EPHA5: variants seen among roughly 807,000 people sequenced by gnomAD.
EPHA5 encodes the protein EPH receptor A5, also known as ephrin type-A receptor 5.
In EPHA5, 60 loss-of-function variants were observed where a neutral mutation model predicts 105.0. The ratio of observed to expected loss-of-function variants is 0.57; its 90% CI spans 0.46 to 0.71. The LOEUF is 0.71. EPHA5 is among the 30% of genes least tolerant of loss of function. The pLI is 0.00. For synonymous variants in EPHA5, 513 were observed against 449.1 expected, an observed-to-expected ratio of 1.14 and a Z score of -1.80; for missense variants, 1,218 against 1,274.7, an observed-to-expected ratio of 0.96 and a Z score of 0.68.
chr4:65,320,316 A>C lies in EPHA5; in HGVS notation c.*3798T>G. On this transcript the variant is annotated 3_prime_UTR_variant, in exon 17 of 17. Coordinates refer to ENST00000613740, the MANE Select transcript of EPHA5 (RefSeq NM_001281766.3). ...CAAATAAAGCTAGCATTTTGATTCC[A>C]TTTATTCTTCATCATCATCATCATC... 1 of 228,750 alleles carries C rather than the reference A, an allele frequency of 4.4e-6. No individual in the cohort carries two copies. Among genetic ancestry groups the C allele is most frequent in the Non-Finnish European group, 8.6e-6 (1 of 115,698 alleles). The allele number at this position is 228,750 out of a possible 1,614,324, so 14.2% of individuals were successfully genotyped here. A position where few individuals can be genotyped will look rare whatever the true frequency, so the allele number is the denominator to read the frequency against.
chr4:65,648,903 A>G (rs986987645), intron 1 of EPHA5, among the ~76,000 whole-genome samples: 1 of 152,214 alleles, frequency 6.6e-6, no homozygotes, highest in Admixed American at 6.5e-5. Context: ...AACAAAGAAC[A>G]GTTTACAAAA....
At chr4:65,458,100 A>G (rs559962159) in intron 5 of EPHA5, among the ~76,000 whole-genome samples, 87 of 136,702 alleles carry the variant, frequency 6.4e-4, no homozygotes, top group Non-Finnish European at 1.2e-3. Flanking sequence ...AAAAAAAAAG[A>G]GTACCTTTTT....
At chr4:65,409,374 A>AAATAAATAAATAAAT (rs1722702426) in intron 7 of EPHA5, among the ~76,000 whole-genome samples, 1 of 80,634 alleles carries the variant, frequency 1.2e-5, no homozygotes, top group African/African-American at 3.9e-5. Flanking sequence ...AATAAATAAA[A>AAATAAATAAATAAAT]GAGCTTTGTA....
At chr4:65,618,966 C>A (rs1312807764) in intron 2 of EPHA5, among the ~76,000 whole-genome samples, 1 of 152,014 alleles carries the variant, frequency 6.6e-6, no homozygotes, top group Non-Finnish European at 1.5e-5. Context: ...ACCAGCCTGG[C>A]CAAAATGGTG....
At chr4:65,364,871 C>T in intron 11 of EPHA5, 146 bp downstream of exon 11, 3 of 570,452 alleles carry the variant, frequency 5.3e-6, no homozygotes, top group Middle Eastern at 4.4e-4. Context: ...TTAGCTTTAA[C>T]AAAAATCTAC....
chr4:65,571,945 T>G (rs1269745883), intron 3 of EPHA5, among the ~76,000 whole-genome samples: 3 of 152,122 alleles, frequency 2.0e-5, no homozygotes, highest in African/African-American at 7.2e-5. Context: ...ATGTTAGAAA[T>G]GTAACTCTCC....
chr4:65,394,554 T>C (rs1202488934), intron 8 of EPHA5, among the ~76,000 whole-genome samples: 1 of 152,144 alleles, frequency 6.6e-6, no homozygotes. Context: ...TCAGGTCATC[T>C]TTTTAGTATG....
intron 2 of EPHA5, among the ~76,000 whole-genome samples, chr4:65,632,096 T>C (rs1262804464): frequency 2.0e-5 from 3 of 152,084 alleles, no homozygotes; most frequent in Admixed American, 6.6e-5. Flanking sequence ...GGTAGTATTA[T>C]ACATAATGTA....
At chr4:65,625,954 T>G (rs1174309930) in intron 2 of EPHA5, among the ~76,000 whole-genome samples, 2 of 151,894 alleles carry the variant, frequency 1.3e-5, no homozygotes, top group South Asian at 4.1e-4. Flanking sequence ...AAAAAAATTA[T>G]CCGCGTTTGG....
At chr4:65,456,087 G>A (rs1578155111) in intron 5 of EPHA5, among the ~76,000 whole-genome samples, 1 of 152,288 alleles carries the variant, frequency 6.6e-6, no homozygotes, top group Middle Eastern at 3.4e-3. Context: ...GTTGTGGGGA[G>A]AGAGAAACTT....
chr4:65,433,473 A>G (rs1725181394), intron 5 of EPHA5, among the ~76,000 whole-genome samples: 1 of 152,336 alleles, frequency 6.6e-6, no homozygotes, highest in South Asian at 2.1e-4. Context: ...TGGCCATAGA[A>G]TATGAGACTC....
chr4:65,470,506 T>C (rs150081167), intron 5 of EPHA5, among the ~76,000 whole-genome samples: 1 of 152,256 alleles, frequency 6.6e-6, no homozygotes, highest in East Asian at 1.9e-4. Context: ...TTTTCCTAAA[T>C]ATATAATAGT....
At chr4:65,477,496 T>C (rs951091154) in intron 5 of EPHA5, among the ~76,000 whole-genome samples, 2 of 152,042 alleles carry the variant, frequency 1.3e-5, no homozygotes, top group African/African-American at 4.8e-5. Context: ...CAGTGAAACC[T>C]CTGCCTCCCG....
intron 2 of EPHA5, among the ~76,000 whole-genome samples, 200 bp from the exon 3 acceptor site, chr4:65,602,504 G>A (rs1178894293): frequency 6.6e-6 from 1 of 152,032 alleles, no homozygotes; most frequent in Non-Finnish European, 1.5e-5. Flanking sequence ...TAAATTAAAA[G>A]TAAATTAAGA....
At chr4:65,584,599 A>G (rs1215461732) in intron 3 of EPHA5, among the ~76,000 whole-genome samples, 1 of 151,968 alleles carries the variant, frequency 6.6e-6, no homozygotes, top group Non-Finnish European at 1.5e-5. Context: ...TGGAATACCT[A>G]TTAGAAAAGT....
At chr4:65,562,084 G>A (rs543523724) in intron 3 of EPHA5, among the ~76,000 whole-genome samples, 6 of 152,098 alleles carry the variant, frequency 3.9e-5, no homozygotes, top group Non-Finnish European at 8.8e-5. Context: ...TGATTATTTT[G>A]GATTTTGAGT....
chr4:65,415,858 A>G (rs1723335651), intron 6 of EPHA5, among the ~76,000 whole-genome samples: 1 of 152,018 alleles, frequency 6.6e-6, no homozygotes, highest in Non-Finnish European at 1.5e-5. Flanking sequence ...TAAAAAGCAA[A>G]TAATTTCTTA....
intron 3 of EPHA5, among the ~76,000 whole-genome samples, chr4:65,526,819 C>T (rs1035936503): frequency 7.2e-5 from 11 of 151,970 alleles, no homozygotes; most frequent in African/African-American, 2.7e-4. Flanking sequence ...AAAACTGCAG[C>T]ATCTCCCTCA....
At chr4:65,432,132 T>G (rs1003552358) in intron 5 of EPHA5, among the ~76,000 whole-genome samples, 4 of 152,182 alleles carry the variant, frequency 2.6e-5, no homozygotes, top group African/African-American at 9.6e-5. Flanking sequence ...AGTTTGATTC[T>G]AGCTCAAGTT....
Sources: allele counts gnomAD v4.1 joint callset (sites outside exome capture counted in the v4.1 genomes callset), GRCh38; gene constraint gnomAD v4.1.1; transcripts MANE v1.5; gene names NCBI Gene and HGNC (gene_info 2026-07-23, HGNC 2026-07-21).